The following RAC1 variants were observed in gnomAD, a reference collection of about 807,000 sequenced individuals.
RAC1 encodes the protein Rac family small GTPase 1, also known as ras-related C3 botulinum toxin substrate 1.
In RAC1, 2 loss-of-function variants were observed where a neutral mutation model predicts 25.2. The ratio of observed to expected loss-of-function variants is 0.08; its 90% CI spans 0.03 to 0.25. The LOEUF is 0.25. RAC1 is among the 10% of genes least tolerant of loss of function. The pLI is 1.00. For missense variants in RAC1, 50 were observed against 235.7 expected, an observed-to-expected ratio of 0.21 and a Z score of 5.16; for synonymous variants, 88 against 94.0, an observed-to-expected ratio of 0.94 and a Z score of 0.37.
At position 6,402,457 on chromosome 7, in the gene RAC1, C is replaced by A. The variant is rs34140491; in HGVS notation, c.*11C>A. On this transcript the variant is annotated 3_prime_UTR_variant, in exon 6 of 6. Transcript: ENST00000348035. ...TGCCTGCTGTTGTAAATGTCTCAGC[C>A]CCTCGTTCTTGGTCCTGTCCCTTGG... 9.3e-6 allele frequency: 14 copies of A among 1,511,706 alleles called. No individual in the cohort carries two copies. The highest frequency in any genetic ancestry group is 1.2e-5 in the Non-Finnish European group (14 of 1,131,778). The allele number at this position is 1,511,706 out of a possible 1,614,324, so 93.6% of individuals were successfully genotyped here. A position where few individuals can be genotyped will look rare whatever the true frequency, so the allele number is the denominator to read the frequency against.
chr7:6,384,125 G>T (rs13246813), intron 1 of RAC1, among the ~76,000 whole-genome samples: 1 of 151,866 alleles, frequency 6.6e-6, no homozygotes, highest in Admixed American at 6.6e-5. Flanking sequence ...AGGTCCCTTA[G>T]AGCCTTAGGC....
chr7:6,387,608 C>T (rs1782958349), intron 2 of RAC1, among the ~76,000 whole-genome samples: 1 of 151,792 alleles, frequency 6.6e-6, no homozygotes, highest in African/African-American at 2.4e-5. Flanking sequence ...GCCTGTAATC[C>T]CACATACTTG....
At chr7:6,388,158 G>A (rs1782974555) in intron 2 of RAC1, among the ~76,000 whole-genome samples, 1 of 151,874 alleles carries the variant, frequency 6.6e-6, no homozygotes, top group African/African-American at 2.4e-5. Context: ...TCTGGTGATG[G>A]GTTACCCGGG....
At chr7:6,384,507 C>T (rs1782866140) in intron 1 of RAC1, among the ~76,000 whole-genome samples, 1 of 152,142 alleles carries the variant, frequency 6.6e-6, no homozygotes. Context: ...GAGATGGGAT[C>T]GTGCTTTGTC....
chr7:6,394,197 G>GCATTTAA (rs1040654009), intron 3 of RAC1, among the ~76,000 whole-genome samples: 1 of 152,132 alleles, frequency 6.6e-6, no homozygotes, highest in African/African-American at 2.4e-5. Flanking sequence ...TTTAACATTG[G>GCATTTAA]CATCCTCTCT....
rs1408137745 is a variant in RAC1 at position 6,380,500 on chromosome 7, TTC to T, written c.35+5732_35+5733del. On this transcript the variant is annotated intron_variant, in intron 1 of 5. Transcript: ENST00000348035. ...AACCTTAAATTCACCCTTTATAACT[TTC>T]TGTCTTTTTGCATTAGTCATCTGAT... Among the ~76,000 whole-genome samples, 7 of 152,248 alleles carry T rather than the reference TTC, an allele frequency of 4.6e-5. No individual in the cohort carries two copies. In the South Asian group the frequency reaches 6.2e-4, roughly 14 times the overall value.
Position 6,392,145 on chromosome 7 carries a change from G to C in RAC1, c.225+104G>C, listed in dbSNP as rs557364154. ...GGACTTGCTTATATTGCCATCATTT[G>C]GGTATTGAGTAAATAGCAAACAGGG... is the stretch of plus-strand genomic sequence containing the variant. On this transcript the variant is annotated intron_variant, in intron 3 of 5. Transcript: ENST00000348035. The C allele has an allele frequency of 4.5e-6, 7 of 1,567,348 alleles. No individual in the cohort carries two copies. The East Asian group carries it at 1.4e-4, about 30-fold the overall frequency.
In RAC1 at chr7:6,401,712, A is replaced by AG; in HGVS notation, c.289-154dup. On this transcript the variant is annotated intron_variant, in intron 4 of 5. Coordinates refer to ENST00000348035, the MANE Select transcript of RAC1 (RefSeq NM_006908.5). ...CACCTGAGATGTTCCTTATGGCTCA[A>AG]GGCTTGAATTGAAGGTGGGAACCAC... 7.6e-6 allele frequency: 5 copies of AG among 659,066 alleles called. No homozygotes were observed. The South Asian group carries it at 1.0e-4, about 13-fold the overall frequency. 40.8% of individuals were successfully genotyped at this position (659,066 alleles called of 1,614,324 possible). A position where few individuals can be genotyped will look rare whatever the true frequency, so the allele number is the denominator to read the frequency against.
intron 3 of RAC1, among the ~76,000 whole-genome samples, chr7:6,396,456 T>C (rs1783236782): frequency 6.6e-6 from 1 of 152,138 alleles, no homozygotes; most frequent in Non-Finnish European, 1.5e-5. Flanking sequence ...AACAGGCAGA[T>C]GGCATAGCAC....
chr7:6,390,096 CTTTTT>C (rs34547258), intron 2 of RAC1, among the ~76,000 whole-genome samples: 4 of 74,916 alleles, frequency 5.3e-5, no homozygotes, highest in South Asian at 6.6e-4. Context: ...CCCTCCCTCC[CTTTTT>C]TTTTTTTTTT....
At chr7:6,376,798 T>A (rs1782618476) in intron 1 of RAC1, among the ~76,000 whole-genome samples, 1 of 147,528 alleles carries the variant, frequency 6.8e-6, no homozygotes, top group Non-Finnish European at 1.5e-5. Context: ...TTTTTTTTTT[T>A]TTAAGTCATA....
rs938372713 is a variant in RAC1 at position 6,374,660 on chromosome 7, G to C, written c.-76G>C. 7.0e-6 allele frequency: 7 copies of C among 1,003,018 alleles called. No homozygotes were observed. The highest frequency in any genetic ancestry group is 5.6e-5 in the Admixed American group (1 of 17,978). The allele number at this position is 1,003,018 out of a possible 1,614,324, so 62.1% of individuals were successfully genotyped here. A position where few individuals can be genotyped will look rare whatever the true frequency, so the allele number is the denominator to read the frequency against. On this transcript the variant is annotated 5_prime_UTR_variant, in exon 1 of 6. Transcript: ENST00000348035. ...CCCGCCGCCCGCAAGCCGCGCGCCC[G>C]TCCGCCGCGCCCCGAGCCCGCCGCT...
intron 3 of RAC1, chr7:6,398,630 TA>T: frequency 6.2e-7 from 1 of 1,602,048 alleles, no homozygotes; most frequent in South Asian, 1.1e-5. Flanking sequence ...CAGTCTGTAC[TA>T]AACTCAAACC....
In RAC1 at chr7:6,392,058, A is replaced by AT. The variant is rs1783105946; in HGVS notation, c.225+17_225+18insT. ...CCGCAAACAGTAAGGATTGCAGCTG[A>AT]CTTTTAATGTGTCTTTTAGAGTATA... On this transcript the variant is annotated intron_variant, in intron 3 of 5. Transcript: ENST00000348035. The AT allele has an allele frequency of 6.2e-7, 1 of 1,613,978 alleles. No individual in the cohort carries two copies. The highest frequency in any genetic ancestry group is 1.3e-5 in the African/African-American group (1 of 74,910).
chr7:6,397,483 C>A (rs182068699), intron 3 of RAC1, among the ~76,000 whole-genome samples: 21 of 151,904 alleles, frequency 1.4e-4, no homozygotes, highest in African/African-American at 4.6e-4. Flanking sequence ...TTAGTAGACA[C>A]AGGGTTTCAC....
At chr7:6,400,634 GTTTAT>G (rs951151013) in intron 4 of RAC1, among the ~76,000 whole-genome samples, 5 of 152,000 alleles carry the variant, frequency 3.3e-5, no homozygotes, top group African/African-American at 7.3e-5. Context: ...CCCATCAGCA[GTTTAT>G]TTTATTTATT....
rs1336702184 is a variant in RAC1 at position 6,391,904 on chromosome 7, A to AT, written c.108-16dup. 2 of 1,613,886 alleles carry AT rather than the reference A, an allele frequency of 1.2e-6. No individual in the cohort carries two copies. The highest frequency in any genetic ancestry group is 1.7e-6 in the Non-Finnish European group (2 of 1,179,900). ...TTAGCTTCTACACCTGTGACTAACC[A>AT]TTTTCATTCCATTCTACAGCTTTGA... On this transcript the variant is annotated intron_variant, in intron 2 of 5. Transcript: ENST00000348035.
chr7:6,395,071 G>GAA (rs1217182006), intron 3 of RAC1, among the ~76,000 whole-genome samples: 2 of 152,088 alleles, frequency 1.3e-5, no homozygotes, highest in Non-Finnish European at 2.9e-5. Context: ...AGCCAGGATG[G>GAA]TCTTGATCTC....
At chr7:6,397,002 G>A (rs188343961) in intron 3 of RAC1, among the ~76,000 whole-genome samples, 1,484 of 145,818 alleles carry the variant, frequency 0.01, 26 homozygotes, top group African/African-American at 0.036. Flanking sequence ...CTGCACTCCA[G>A]CCTGGGCGAC....
Sources: allele counts gnomAD v4.1 joint callset (sites outside exome capture counted in the v4.1 genomes callset), GRCh38; gene constraint gnomAD v4.1.1; transcripts MANE v1.5; gene names NCBI Gene and HGNC (gene_info 2026-07-23, HGNC 2026-07-21).